The following HIKESHI variants were observed in gnomAD, a reference collection of about 807,000 sequenced individuals.
HIKESHI encodes the protein heat shock protein nuclear import factor hikeshi.
In HIKESHI, 13 loss-of-function variants were observed where a neutral mutation model predicts 25.7. The observed-to-expected ratio is 0.51, with a 90% CI of 0.33 to 0.80. HIKESHI has a LOEUF of 0.80. Among genes scored for constraint, HIKESHI ranks in the 30% least tolerant of loss-of-function variants. The probability of loss-of-function intolerance (pLI) is 0.02; values close to 1 mark genes in which losing one functional copy is unlikely to be tolerated. For missense variants in HIKESHI, 174 were observed against 229.5 expected (o/e 0.76, Z 1.56); for synonymous variants, 76 against 78.7 (o/e 0.97, Z 0.18).
rs980098876 is a variant in HIKESHI at position 86,345,917 on chromosome 11, C to G, written c.*279C>G. 3 of 217,024 alleles carry G rather than the reference C, an allele frequency of 1.4e-5. No individual in the cohort carries two copies. The highest frequency in any genetic ancestry group is 6.9e-5 in the African/African-American group (3 of 43,420). 13.4% of individuals were successfully genotyped at this position (217,024 alleles called of 1,614,324 possible). On this transcript the variant is annotated 3_prime_UTR_variant, in exon 5 of 5. Transcript: ENST00000278483. ...CATTTTTTTTACTTAAAAATAAAAC[C>G]TATACCAAACAGTAGTGTGCCAAGT...
intron 2 of HIKESHI, among the ~76,000 whole-genome samples, chr11:86,308,082 ATATAC>A: frequency 8.0e-6 from 1 of 125,102 alleles, no homozygotes; most frequent in African/African-American, 3.2e-5. Context: ...ATTACGTAAA[ATATAC>A]TATATAAATA....
chr11:86,324,869 G>C (rs1442372444), intron 2 of HIKESHI, among the ~76,000 whole-genome samples: 1 of 152,104 alleles, frequency 6.6e-6, no homozygotes, highest in Non-Finnish European at 1.5e-5. Flanking sequence ...TTATTCAAGT[G>C]AAACAAATTT....
At chr11:86,340,953 T>C (rs945351559) in intron 3 of HIKESHI, among the ~76,000 whole-genome samples, 6 of 152,198 alleles carry the variant, frequency 3.9e-5, no homozygotes, top group Non-Finnish European at 7.3e-5. Context: ...TCAAATAGTG[T>C]AATATGTGAA....
intron 1 of HIKESHI, 75 bp from the exon 2 acceptor site, chr11:86,306,163 TAATATAA>T (rs1315184078): frequency 2.3e-6 from 2 of 860,798 alleles, no homozygotes; most frequent in Non-Finnish European, 3.7e-6. Context: ...ATTATGCTGG[TAATATAA>T]CTTATAAATG....
At chr11:86,310,776 G>T (rs1019350315) in intron 2 of HIKESHI, among the ~76,000 whole-genome samples, 5 of 152,112 alleles carry the variant, frequency 3.3e-5, no homozygotes, top group Admixed American at 2.0e-4. Context: ...GCATGAAGGG[G>T]TGTTGAATTT....
At chr11:86,313,730 A>T (rs1004261079) in intron 2 of HIKESHI, among the ~76,000 whole-genome samples, 2 of 152,184 alleles carry the variant, frequency 1.3e-5, no homozygotes, top group African/African-American at 4.8e-5. Context: ...GTGAAAAGTA[A>T]TAGTGGATGT....
intron 2 of HIKESHI, among the ~76,000 whole-genome samples, chr11:86,322,547 TTTCTC>T (rs1947178540): frequency 6.6e-6 from 1 of 152,152 alleles, no homozygotes; most frequent in African/African-American, 2.4e-5. Flanking sequence ...TTGCTGTTCT[TTTCTC>T]TAACAGTGTT....
chr11:86,306,446 C>T lies in HIKESHI; in HGVS notation c.232C>T (p.Pro78Ser), dbSNP rs1085307912. ...CCTAGGATTTGTCACGAATGGGAAG[C>T]CAAGTGCCATCTTCAAAATTTCAGG... ...QLLGFVTNGK[P>S]SAIFKISGLK... The change falls in exon 2 of 5, where the codon CCA becomes TCA. Residue 78 changes from proline to serine, a missense_variant. Coordinates refer to ENST00000278483, the MANE Select transcript of HIKESHI (RefSeq NM_016401.4). The T allele has an allele frequency of 6.2e-7, 1 of 1,612,296 alleles. No homozygotes were observed. The highest frequency in any genetic ancestry group is 1.7e-4 in the Middle Eastern group (1 of 6,006).
chr11:86,318,446 C>G (rs936238487), intron 2 of HIKESHI, among the ~76,000 whole-genome samples: 2 of 151,258 alleles, frequency 1.3e-5, no homozygotes, highest in Non-Finnish European at 2.9e-5. Flanking sequence ...CTTTAAGAAA[C>G]AAATTGTTCA....
At chr11:86,338,857 G>A (rs1310013617) in intron 3 of HIKESHI, among the ~76,000 whole-genome samples, 1 of 152,166 alleles carries the variant, frequency 6.6e-6, no homozygotes, top group African/African-American at 2.4e-5. Context: ...ACATTAAAAT[G>A]TTATCCCTGG....
intron 3 of HIKESHI, 79 bp downstream of exon 3, chr11:86,337,609 C>A: frequency 7.2e-7 from 1 of 1,385,146 alleles, no homozygotes. Flanking sequence ...AAAATCGTAA[C>A]TTAGGGTATA....
At chr11:86,340,301 G>A (rs1329584447) in intron 3 of HIKESHI, among the ~76,000 whole-genome samples, 2 of 152,150 alleles carry the variant, frequency 1.3e-5, no homozygotes, top group African/African-American at 4.8e-5. Flanking sequence ...GTATTTCTTA[G>A]TTCTAGATCC....
At chr11:86,311,719 A>G (rs1039582709) in intron 2 of HIKESHI, among the ~76,000 whole-genome samples, 1 of 152,124 alleles carries the variant, frequency 6.6e-6, no homozygotes, top group Non-Finnish European at 1.5e-5. Context: ...TTCCCTCTAC[A>G]CACTGCTTTG....
intron 2 of HIKESHI, among the ~76,000 whole-genome samples, chr11:86,333,166 C>T (rs1272032462): frequency 6.6e-6 from 1 of 152,242 alleles, no homozygotes; most frequent in African/African-American, 2.4e-5. Context: ...TACTATGAAT[C>T]TTCAAATAAG....
Position 86,345,619 on chromosome 11 carries a change from C to G in HIKESHI, c.575C>G (p.Pro192Arg), listed in dbSNP as rs1947851369. The G allele has an allele frequency of 6.4e-7, 1 of 1,552,684 alleles. No homozygotes were observed. Residue 192 changes from proline (P) to arginine (R), a missense_variant, in exon 5 of 5, where the codon CCT becomes CGT. By Grantham distance (103) the Pro-to-Arg change is moderately radical. Transcript: ENST00000278483. The stretch of plus-strand genomic sequence containing the variant: ...TTTCAAAGACGACTAGCACAGAACC[C>G]TCTCTTTTGGAAAACATAATTTGAA... ...ENFQRRLAQN[P>R]LFWKT
chr11:86,316,394 C>T (rs2138330471), intron 2 of HIKESHI, among the ~76,000 whole-genome samples: 2 of 152,194 alleles, frequency 1.3e-5, no homozygotes, highest in African/African-American at 4.8e-5. Context: ...TGCTCGTAAT[C>T]CCAGCTACTT....
At chr11:86,317,952 G>T (rs1947033270) in intron 2 of HIKESHI, among the ~76,000 whole-genome samples, 2 of 151,844 alleles carry the variant, frequency 1.3e-5, no homozygotes, top group Admixed American at 6.6e-5. Context: ...GACAAAATTG[G>T]CTATTTTCTA....
chr11:86,320,389 C>A (rs927878298), intron 2 of HIKESHI, among the ~76,000 whole-genome samples: 1 of 152,138 alleles, frequency 6.6e-6, no homozygotes, highest in Non-Finnish European at 1.5e-5. Flanking sequence ...ACCAGCCTGG[C>A]TAACGTGGTG....
At position 86,311,545 on chromosome 11, in the gene HIKESHI, C is replaced by G. The variant is rs573606498; in HGVS notation, c.268+5063C>G. ...TCATTGATTTTCTGAAGGGTTTTTT[C>G]TGTCTCTATCTCCTTCAGTTCTGCT... On this transcript the variant is annotated intron_variant, in intron 2 of 4. Coordinates refer to ENST00000278483, the MANE Select transcript of HIKESHI (RefSeq NM_016401.4). Among the ~76,000 whole-genome samples the G allele has an allele frequency of 5.9e-3, 903 of 151,988 alleles. 9 individuals are homozygous for G. Among genetic ancestry groups the G allele is most frequent in the African/African-American group, 0.021 (872 of 41,478 alleles).
Sources: gnomAD v4.1 joint callset for allele counts (sites outside exome capture counted in the v4.1 genomes callset) on GRCh38, gnomAD v4.1.1 for gene constraint, MANE v1.5 for transcripts, NCBI Gene and HGNC (gene_info 2026-07-23, HGNC 2026-07-21) for gene names.